Variants in SNRPN observed in about 807,000 individuals in gnomAD.
SNRPN encodes small nuclear ribonucleoprotein polypeptide N, also known as small nuclear ribonucleoprotein-associated protein N.
Under a neutral mutation model 25.2 loss-of-function variants are expected in SNRPN, and 7 were observed. The ratio of observed to expected loss-of-function variants is 0.28; its 90% CI spans 0.16 to 0.52. The LOEUF is 0.52. Among genes scored for constraint, SNRPN ranks in the 20% least tolerant of loss-of-function variants. The pLI, the probability that SNRPN is intolerant of heterozygous loss-of-function variation, is 0.96. For missense variants in SNRPN, 196 were observed against 322.5 expected (o/e 0.61, Z 3.00); for synonymous variants, 124 against 110.6 (o/e 1.12, Z -0.76).
chr15:24,878,327 C>T (rs1436105796), intron 1 of SNRPN, among the ~76,000 whole-genome samples: 3 of 152,166 alleles, frequency 2.0e-5, no homozygotes, highest in Admixed American at 2.0e-4. Context: ...AAGAAATGTG[C>T]CACCGTTCTG....
At chr15:24,864,032 ATT>A (rs1395237042) in intron 1 of SNRPN, among the ~76,000 whole-genome samples, 1 of 137,668 alleles carries the variant, frequency 7.3e-6, no homozygotes. Context: ...TTTTATTATT[ATT>A]TTTTTTTTTG....
upstream of SNRPN, among the ~76,000 whole-genome samples, chr15:24,953,798 A>G (rs1443530949): frequency 2.0e-5 from 3 of 152,172 alleles, no homozygotes; most frequent in Admixed American, 6.6e-5. Context: ...GCCATATTGC[A>G]TGTTATTATT....
At chr15:24,915,511 G>A (rs1206267123) in intron 2 of SNRPN, among the ~76,000 whole-genome samples, 3 of 152,116 alleles carry the variant, frequency 2.0e-5, no homozygotes, top group African/African-American at 7.2e-5. Context: ...AGAAGCCTGA[G>A]TAAATTTTGG....
At chr15:24,837,290 T>C (rs2051276865) in intron 2 of SNRPN, among the ~76,000 whole-genome samples, 1 of 152,038 alleles carries the variant, frequency 6.6e-6, no homozygotes, top group Admixed American at 6.5e-5. Context: ...CTTAACCATT[T>C]TATATTTATG....
At chr15:24,908,023 A>C (rs956168250) in intron 2 of SNRPN, among the ~76,000 whole-genome samples, 86 of 130,578 alleles carry the variant, frequency 6.6e-4, no homozygotes, top group Middle Eastern at 4.6e-3. Flanking sequence ...ACTGCCCTCC[A>C]GCCTGGGCAA....
intron 1 of SNRPN, among the ~76,000 whole-genome samples, chr15:24,859,464 T>A (rs932198051): frequency 6.6e-6 from 1 of 152,172 alleles, no homozygotes; most frequent in African/African-American, 2.4e-5. Context: ...TTCATACAAG[T>A]AATGAAATCC....
chr15:24,962,028 A>G, intron 1 of SNRPN, 86 bp from the exon 2 acceptor site: 2 of 1,084,862 alleles, frequency 1.8e-6, no homozygotes, highest in Non-Finnish European at 1.4e-6. Context: ...ATTATATTAA[A>G]TGTAGTTCTA....
intron 1 of SNRPN, among the ~76,000 whole-genome samples, chr15:24,881,526 CGAGAGAGAGAGAGAGA>C (rs758798894): frequency 0.044 from 3,097 of 69,982 alleles, 54 homozygotes; most frequent in Non-Finnish European, 0.058. Flanking sequence ...AGCGAAACTC[CGAGAGAGAGAGAGAGA>C]GAGAGAGAGA....
chr15:24,867,149 T>C (rs540194353), intron 1 of SNRPN, among the ~76,000 whole-genome samples: 4 of 152,238 alleles, frequency 2.6e-5, no homozygotes, highest in Non-Finnish European at 4.4e-5. Context: ...ATAGCCAGCG[T>C]TGGGATTGCT....
upstream of SNRPN, among the ~76,000 whole-genome samples, chr15:24,854,578 CTGTT>C (rs1364162605): frequency 2.0e-5 from 3 of 152,234 alleles, no homozygotes; most frequent in African/African-American, 7.2e-5. Flanking sequence ...AGCAAAGTGA[CTGTT>C]TGCCATTTCT....
At chr15:24,838,089 CA>C (rs1474860740) in intron 2 of SNRPN, among the ~76,000 whole-genome samples, 1 of 147,654 alleles carries the variant, frequency 6.8e-6, no homozygotes, top group African/African-American at 2.5e-5. Flanking sequence ...GGCTGGAGTA[CA>C]GTGGTCCAAT....
chr15:24,885,403 G>T (rs2057104327), intron 1 of SNRPN, among the ~76,000 whole-genome samples: 1 of 152,178 alleles, frequency 6.6e-6, no homozygotes, highest in Non-Finnish European at 1.5e-5. Context: ...CCTAGACACT[G>T]CCAAATTGCT....
intron 2 of SNRPN, among the ~76,000 whole-genome samples, chr15:24,915,363 T>C (rs1787804913): frequency 1.3e-5 from 2 of 152,134 alleles, no homozygotes; most frequent in African/African-American, 4.8e-5. Flanking sequence ...CCTGACATCG[T>C]GATCTGCCCG....
rs781290013 is a variant in SNRPN, at chr15:24,967,994, A to C, written c.-232A>C. ...GTACCTGTGGTGGATTTCCAGGCTG[A>C]ACTGAGGCAGGCATTCTTAGCTGAG... On this transcript the variant is annotated 5_prime_UTR_variant, in exon 3 of 10. Coordinates refer to ENST00000390687, the MANE Select transcript of SNRPN (RefSeq NM_003097.6). 1.2e-6 allele frequency: 2 copies of C among 1,614,096 alleles called. No individual in the cohort carries two copies. Among genetic ancestry groups the C allele is most frequent in the South Asian group, 1.1e-5 (1 of 91,084 alleles).
chr15:24,901,982 A>T (rs2058488617), intron 2 of SNRPN, among the ~76,000 whole-genome samples: 1 of 152,224 alleles, frequency 6.6e-6, no homozygotes, highest in Non-Finnish European at 1.5e-5. Flanking sequence ...CTTCTATGTA[A>T]ATAAGAGAAA....
chr15:24,844,131 A>AGTGTGT (rs138942935), intron 2 of SNRPN, among the ~76,000 whole-genome samples: 2,800 of 149,728 alleles, frequency 0.019, 36 homozygotes, highest in Non-Finnish European at 0.031. Context: ...GTGTGTCTGT[A>AGTGTGT]GTGTGTGTGT....
intron 2 of SNRPN, among the ~76,000 whole-genome samples, chr15:24,918,550 G>GTATATATAACATAATATATATGTGTA (rs2059726277): frequency 1.9e-5 from 2 of 105,414 alleles, no homozygotes; most frequent in Admixed American, 2.4e-4. Context: ...ATATATGTGT[G>GTATATATAACATAATATATATGTGTA]TATATATAAC....
In SNRPN at chr15:24,957,380, G is replaced by A. The variant is rs553847837; in HGVS notation, c.-391+2318G>A. Among the ~76,000 whole-genome samples, 34 of 152,270 alleles carry A rather than the reference G, an allele frequency of 2.2e-4. 2 individuals carry two copies. The South Asian group carries it at 5.0e-3, about 22-fold the overall frequency. On this transcript the variant is annotated intron_variant, in intron 1 of 9. Transcript: ENST00000390687. ...CTTATTGGGGTGGGGTTGTGCTTTG[G>A]ATCAGTTACTGTCTTTTTTTGGATT...
At chr15:24,923,922 CATT>C (rs1566917520) in intron 3 of SNRPN, among the ~76,000 whole-genome samples, 2 of 14,822 alleles carry the variant, frequency 1.3e-4, no homozygotes, top group Non-Finnish European at 3.0e-4. Context: ...TGTATATAAA[CATT>C]TTTTTTTTTT....
Sources: gnomAD v4.1 joint callset for allele counts (sites outside exome capture counted in the v4.1 genomes callset) on GRCh38, gnomAD v4.1.1 for gene constraint, MANE v1.5 for transcripts, NCBI Gene and HGNC (gene_info 2026-07-23, HGNC 2026-07-21) for gene names.